Variants in LRRTM4 observed in about 807,000 individuals in gnomAD.
The protein encoded by LRRTM4 is leucine rich repeat transmembrane neuronal 4, also known as leucine-rich repeat transmembrane neuronal protein 4.
A neutral mutation model predicts 47.6 loss-of-function variants in LRRTM4; 25 were observed. That is an observed-to-expected ratio of 0.53 (90% CI 0.38 to 0.73). The LOEUF is 0.73. Among genes scored for constraint, LRRTM4 ranks in the 30% least tolerant of loss-of-function variants. LRRTM4 has a pLI of 0.00. For synonymous variants in LRRTM4, 311 were observed against 269.5 expected (o/e 1.15, Z -1.51); for missense variants, 638 against 713.4 (o/e 0.89, Z 1.20).
intron 3 of LRRTM4, among the ~76,000 whole-genome samples, chr2:76,907,969 G>A (rs987218529): frequency 1.3e-5 from 2 of 151,346 alleles, no homozygotes; most frequent in Admixed American, 6.6e-5. Flanking sequence ...TAGAAAAAGA[G>A]GGAATCCTCC....
chr2:77,390,858 A>G (rs201172157), intron 3 of LRRTM4, among the ~76,000 whole-genome samples: 1 of 151,774 alleles, frequency 6.6e-6, no homozygotes, highest in East Asian at 1.9e-4. Flanking sequence ...CTATACTTTA[A>G]TTTTTAATCT....
chr2:77,316,426 ATTAGTT>A (rs754849925), intron 3 of LRRTM4, among the ~76,000 whole-genome samples: 6 of 152,228 alleles, frequency 3.9e-5, no homozygotes, highest in Non-Finnish European at 7.3e-5. Flanking sequence ...ACAGTACAAT[ATTAGTT>A]TTAAACAATC....
chr2:77,317,092 C>T (rs1677640583), intron 3 of LRRTM4, among the ~76,000 whole-genome samples: 1 of 152,028 alleles, frequency 6.6e-6, no homozygotes, highest in African/African-American at 2.4e-5. Flanking sequence ...TTTAGAATCA[C>T]ATTTAAGAGC....
chr2:77,477,945 AAGAAAGAAAGAAAG>A (rs1177050162), intron 3 of LRRTM4, among the ~76,000 whole-genome samples: 7 of 146,056 alleles, frequency 4.8e-5, no homozygotes, highest in African/African-American at 1.8e-4. Context: ...GAAAGAAAGA[AAGAAAGAAAGAAAG>A]AAAGAAAGAA....
Position 76,782,924 on chromosome 2 carries a change from T to G in LRRTM4, c.1552-34008A>C, listed in dbSNP as rs187192003. ...AGAGTGTTCTTTAGAATTAATCAAA[T>G]ACCATATAACAAATTGTTGAAGCTT... is the stretch of plus-strand genomic sequence containing the variant. On this transcript the variant is annotated intron_variant, in intron 3 of 3. Transcript: ENST00000409884. Among the ~76,000 whole-genome samples, 305 of 152,284 alleles carry G rather than the reference T, an allele frequency of 2.0e-3. 5 individuals are homozygous for G. In the South Asian group the frequency reaches 0.038, roughly 19 times the overall value.
intron 3 of LRRTM4, among the ~76,000 whole-genome samples, chr2:77,451,644 A>G (rs6735521): frequency 0.015 from 2,336 of 152,326 alleles, 50 homozygotes; most frequent in African/African-American, 0.052. Flanking sequence ...TAATATGTCA[A>G]TGAACAAGAT....
At chr2:76,994,477 T>G (rs965176935) in intron 3 of LRRTM4, among the ~76,000 whole-genome samples, 1 of 151,796 alleles carries the variant, frequency 6.6e-6, no homozygotes, top group Non-Finnish European at 1.5e-5. Flanking sequence ...GCGTGAAGCT[T>G]TGGCTACTGT....
intron 3 of LRRTM4, among the ~76,000 whole-genome samples, chr2:77,100,969 G>C (rs1210498955): frequency 4.6e-5 from 7 of 151,092 alleles, no homozygotes; most frequent in Non-Finnish European, 1.0e-4. Flanking sequence ...CCAAGTAGCT[G>C]GGATTACAGG....
intron 3 of LRRTM4, among the ~76,000 whole-genome samples, chr2:76,840,968 A>ATG (rs2103931848): frequency 6.6e-6 from 1 of 151,780 alleles, no homozygotes; most frequent in South Asian, 2.1e-4. Context: ...ATAAAGACAC[A>ATG]TGCACACGTA....
chr2:77,200,493 T>G (rs896374974), intron 3 of LRRTM4, among the ~76,000 whole-genome samples: 8 of 152,106 alleles, frequency 5.3e-5, no homozygotes, highest in African/African-American at 1.2e-4. Context: ...ACAAAGCAAT[T>G]AACATTCTAA....
intron 3 of LRRTM4, among the ~76,000 whole-genome samples, chr2:77,300,207 A>C (rs555343316): frequency 4.1e-4 from 62 of 152,136 alleles, no homozygotes; most frequent in Non-Finnish European, 7.2e-4. Flanking sequence ...ACCTAAAAGC[A>C]ATGACTTCTA....
At chr2:77,170,242 T>C (rs1199180204) in intron 3 of LRRTM4, among the ~76,000 whole-genome samples, 4 of 152,120 alleles carry the variant, frequency 2.6e-5, no homozygotes, top group African/African-American at 9.7e-5. Flanking sequence ...ATTAAAGAGA[T>C]GTATGTGAGA....
intron 3 of LRRTM4, among the ~76,000 whole-genome samples, chr2:76,779,660 C>A (rs916914430): frequency 3.3e-5 from 5 of 151,746 alleles, no homozygotes; most frequent in African/African-American, 1.2e-4. Flanking sequence ...TGTGTCTCTG[C>A]ACGTGAGATG....
At chr2:77,468,444 T>C (rs1677063688) in intron 3 of LRRTM4, among the ~76,000 whole-genome samples, 1 of 152,214 alleles carries the variant, frequency 6.6e-6, no homozygotes, top group Non-Finnish European at 1.5e-5. Context: ...TAGCATGCTA[T>C]AAATTCAAGG....
intron 3 of LRRTM4, among the ~76,000 whole-genome samples, chr2:77,431,130 TCTC>T (rs2103905503): frequency 6.7e-6 from 1 of 149,176 alleles, no homozygotes; most frequent in Non-Finnish European, 1.5e-5. Flanking sequence ...TAGTGAGACT[TCTC>T]AGCCTCCATG....
chr2:77,430,955 C>T (rs1675350893), intron 3 of LRRTM4, among the ~76,000 whole-genome samples: 1 of 148,568 alleles, frequency 6.7e-6, no homozygotes, highest in African/African-American at 2.6e-5. Context: ...TTTTCTGGAT[C>T]CAGGACACCT....
intron 3 of LRRTM4, among the ~76,000 whole-genome samples, chr2:76,757,223 T>C (rs1673065362): frequency 6.6e-6 from 1 of 152,154 alleles, no homozygotes; most frequent in South Asian, 2.1e-4. Flanking sequence ...AACTTTCATT[T>C]TGACAAAAAT....
intron 3 of LRRTM4, among the ~76,000 whole-genome samples, chr2:76,926,487 G>C (rs142276127): frequency 6.6e-6 from 1 of 152,078 alleles, no homozygotes; most frequent in South Asian, 2.1e-4. Context: ...TAAATGCTAT[G>C]GATTGAATGT....
intron 3 of LRRTM4, among the ~76,000 whole-genome samples, chr2:77,132,896 A>T (rs1223185098): frequency 6.6e-6 from 1 of 152,180 alleles, no homozygotes; most frequent in Admixed American, 6.5e-5. Context: ...GTAGGTGTAG[A>T]ACATTGGGAG....
Sources: gnomAD v4.1 joint callset for allele counts (sites outside exome capture counted in the v4.1 genomes callset) on GRCh38, gnomAD v4.1.1 for gene constraint, MANE v1.5 for transcripts, NCBI Gene and HGNC (gene_info 2026-07-23, HGNC 2026-07-21) for gene names.